Variants in FBXO42 observed in about 807,000 individuals in gnomAD.
The protein encoded by FBXO42 is F-box only protein 42.
A neutral mutation model predicts 71.7 loss-of-function variants in FBXO42; 12 were observed. The observed-to-expected ratio is 0.17, with a 90% CI of 0.11 to 0.27. The LOEUF is 0.27. Ranked by LOEUF, FBXO42 falls within the 10% of genes least tolerant of loss-of-function variation. The pLI is 1.00. For missense variants in FBXO42, 707 were observed against 911.9 expected, an observed-to-expected ratio of 0.78 and a Z score of 2.89; for synonymous variants, 325 against 327.5, an observed-to-expected ratio of 0.99 and a Z score of 0.08.
chr1:16,344,357 C>T (rs1351281715), intron 1 of FBXO42, among the ~76,000 whole-genome samples: 14 of 149,694 alleles, frequency 9.4e-5, no homozygotes, highest in Admixed American at 2.0e-4. Flanking sequence ...GAGACTCTAC[C>T]GCCCAGGCTG....
intron 3 of FBXO42, among the ~76,000 whole-genome samples, chr1:16,303,388 C>T (rs2082216782): frequency 6.6e-6 from 1 of 152,176 alleles, no homozygotes; most frequent in Non-Finnish European, 1.5e-5. Flanking sequence ...CACATCCCTG[C>T]CCCTTGCCTA....
At chr1:16,346,470 T>C (rs564103554) in intron 1 of FBXO42, among the ~76,000 whole-genome samples, 2 of 151,972 alleles carry the variant, frequency 1.3e-5, no homozygotes, top group South Asian at 4.2e-4. Context: ...GGGCGGATCA[T>C]GAGGTCAGGA....
intron 1 of FBXO42, among the ~76,000 whole-genome samples, chr1:16,347,938 G>A (rs915849431): frequency 5.4e-5 from 8 of 148,832 alleles, no homozygotes; most frequent in African/African-American, 2.0e-4. Flanking sequence ...GCAGTGAGCC[G>A]AGATCGCGCC....
chr1:16,289,232 A>G (rs965366384), intron 4 of FBXO42, among the ~76,000 whole-genome samples: 8 of 139,676 alleles, frequency 5.7e-5, no homozygotes, highest in Non-Finnish European at 1.1e-4. Flanking sequence ...CTAGTTCTAC[A>G]AAAAAAAAAG....
chr1:16,301,683 A>AAAG (rs55778294), intron 3 of FBXO42, among the ~76,000 whole-genome samples: 10 of 138,828 alleles, frequency 7.2e-5, no homozygotes, highest in African/African-American at 2.6e-4. Context: ...AAAAAAAAAA[A>AAAG]CAACAAAAAA....
rs565038782 is a variant in FBXO42, at chr1:16,251,386, G to T, written c.1438C>A (p.Leu480Ile). 3.1e-6 allele frequency: 5 copies of T among 1,614,114 alleles called. No individual in the cohort carries two copies. In the South Asian group the frequency reaches 3.3e-5, roughly 11 times the overall value. Residue 480 changes from leucine to isoleucine, a missense_variant, in exon 10 of 10, where the codon CTT (leucine) becomes ATT (isoleucine). Physicochemically the swap from Leu to Ile is conservative, Grantham distance 5. This residue lies in a region of FBXO42 where 482 missense variants were observed against 587.1 expected (regional missense o/e 0.82). Coordinates refer to ENST00000375592, the MANE Select transcript of FBXO42 (RefSeq NM_018994.3). The surrounding 1 kb of genome is among the most constrained non-coding windows in gnomAD (Gnocchi z 4.5). The part of the protein sequence containing the change: ...APEGYDLKIG[L>I]SLAPRRGSLP... ...GATCCTCGTCGGGGGGCCAAAGAAA[G>T]TCCTATTTTCAGGTCGTATCCTTCA... is the stretch of plus-strand genomic sequence containing the variant.
At chr1:16,304,591 C>T (rs1438910187) in intron 3 of FBXO42, among the ~76,000 whole-genome samples, 1 of 152,134 alleles carries the variant, frequency 6.6e-6, no homozygotes, top group Non-Finnish European at 1.5e-5. Context: ...TACAGCTTTC[C>T]TTTGTTTTCC....
At chr1:16,263,954 G>A (rs2081745132) in intron 4 of FBXO42, among the ~76,000 whole-genome samples, 2 of 151,812 alleles carry the variant, frequency 1.3e-5, no homozygotes, top group Admixed American at 6.6e-5. Flanking sequence ...GGGATTAGAG[G>A]TGTGTGCTAC....
At position 16,252,497 on chromosome 1, in the gene FBXO42, G is replaced by C; in HGVS notation, c.922-93C>G. 1 of 985,582 alleles carries C rather than the reference G, an allele frequency of 1.0e-6. No individual in the cohort carries two copies. The highest frequency in any genetic ancestry group is 1.6e-6 in the Non-Finnish European group (1 of 628,546). The allele number at this position is 985,582 out of a possible 1,614,324, so 61.1% of individuals were successfully genotyped here. On this transcript the variant is annotated intron_variant, in intron 8 of 9. Coordinates refer to ENST00000375592, the MANE Select transcript of FBXO42 (RefSeq NM_018994.3). This position sits in a 1 kb window ranked among gnomAD's most constrained non-coding sequence, Gnocchi z 4.4. Reference sequence around the variant, plus strand: ...TTGCAGTCTCAAAGCTCTCCTGTCTGGTCTTGAAAGGATGTGGACTCTTCA... The same window carrying C: ...TTGCAGTCTCAAAGCTCTCCTGTCTCGTCTTGAAAGGATGTGGACTCTTCA...
chr1:16,326,038 G>GTGTGTGTGTGTGTGTGTCTGTGTGTGTC (rs1441951943), intron 1 of FBXO42, among the ~76,000 whole-genome samples: 1 of 146,862 alleles, frequency 6.8e-6, no homozygotes, highest in Non-Finnish European at 1.5e-5. Context: ...GTGTGTGTGT[G>GTGTGTGTGTGTGTGTGTCTGTGTGTGTC]TGTGTGTGTG....
chr1:16,250,901 G>C lies in FBXO42; in HGVS notation c.1923C>G (p.Cys641Trp). ...VGKPLYQSMN[C>W]KPMQMYVLDI... ...CCAGCACGTACATCTGCATGGGCTT[G>C]CAGTTCATACTCTGGTATAGGGGTT... Residue 641 changes from cysteine (C) to tryptophan (W), a missense_variant, in exon 10 of 10, where the codon TGC becomes TGG. Coordinates refer to ENST00000375592, the MANE Select transcript of FBXO42 (RefSeq NM_018994.3). The surrounding 1 kb of genome is among the most constrained non-coding windows in gnomAD (Gnocchi z 4.7). 1 of 1,614,146 alleles carries C rather than the reference G, an allele frequency of 6.2e-7. No individual in the cohort carries two copies. The highest frequency in any genetic ancestry group is 8.5e-7 in the Non-Finnish European group (1 of 1,180,048).
At chr1:16,289,078 T>C (rs2082052443) in intron 4 of FBXO42, among the ~76,000 whole-genome samples, 1 of 151,802 alleles carries the variant, frequency 6.6e-6, no homozygotes, top group Admixed American at 6.6e-5. Flanking sequence ...ATTTCCTAAA[T>C]AGAAGCAAAA....
chr1:16,296,471 A>G (rs1299662264), intron 3 of FBXO42, among the ~76,000 whole-genome samples: 1 of 151,784 alleles, frequency 6.6e-6, no homozygotes, highest in Non-Finnish European at 1.5e-5. Context: ...CCAACATGGC[A>G]AAACCCCGTC....
chr1:16,267,009 A>AGGGACAAAAAGCTAGACCCTGTCTCT (rs2081783548), intron 4 of FBXO42, among the ~76,000 whole-genome samples: 1 of 152,192 alleles, frequency 6.6e-6, no homozygotes, highest in Non-Finnish European at 1.5e-5. Context: ...AGCATGTTTC[A>AGGGACAAAAAGCTAGACCCTGTCTCT]TGGTTCTGTG....
At chr1:16,316,683 CG>C (rs1308839039) in intron 1 of FBXO42, among the ~76,000 whole-genome samples, 8 of 131,774 alleles carry the variant, frequency 6.1e-5, no homozygotes, top group African/African-American at 2.3e-4. Context: ...TGCAGTGAGT[CG>C]AGATCATGCC....
chr1:16,312,105 T>C (rs1227474056), intron 2 of FBXO42, among the ~76,000 whole-genome samples: 1 of 152,078 alleles, frequency 6.6e-6, no homozygotes, highest in Non-Finnish European at 1.5e-5. Flanking sequence ...ACACCTGTAA[T>C]CCCAGCATTT....
At chr1:16,344,807 A>G (rs1280729126) in intron 1 of FBXO42, among the ~76,000 whole-genome samples, 1 of 152,146 alleles carries the variant, frequency 6.6e-6, no homozygotes, top group African/African-American at 2.4e-5. Context: ...ATTTCTAATA[A>G]TATTTTCTGG....
intron 1 of FBXO42, among the ~76,000 whole-genome samples, chr1:16,327,059 A>C (rs2082458289): frequency 6.6e-6 from 1 of 152,092 alleles, no homozygotes; most frequent in Non-Finnish European, 1.5e-5. Context: ...TCCCCATTAG[A>C]GTGTACACTA....
chr1:16,331,422 A>AAATAATAATAATAATAATAAT (rs200267691), intron 1 of FBXO42, among the ~76,000 whole-genome samples: 2 of 145,680 alleles, frequency 1.4e-5, no homozygotes, highest in African/African-American at 5.0e-5. Context: ...CTCAAAAAGA[A>AAATAATAATAATAATAATAAT]AATAATAATA....
Sources: gnomAD v4.1 joint callset for allele counts (sites outside exome capture counted in the v4.1 genomes callset) on GRCh38, gnomAD v4.1.1 for gene constraint, gnomAD v4.1.1 regional missense constraint, Gnocchi (gnomAD v3.1) non-coding constraint, MANE v1.5 for transcripts, NCBI Gene and HGNC (gene_info 2026-07-23, HGNC 2026-07-21) for gene names.